LARP1: variants seen among roughly 807,000 people sequenced by gnomAD.
The protein encoded by LARP1 is La ribonucleoprotein 1, translational regulator, also known as la-related protein 1.
Under a neutral mutation model 122.7 loss-of-function variants are expected in LARP1, and 36 were observed. The ratio of observed to expected loss-of-function variants is 0.29; its 90% CI spans 0.22 to 0.39. LARP1 has a LOEUF of 0.39. Ranked by LOEUF, LARP1 falls within the 10% of genes least tolerant of loss-of-function variation. LARP1 has a pLI of 1.00. For missense variants in LARP1, 1,040 were observed against 1,403.6 expected (o/e 0.74, Z 4.14); for synonymous variants, 539 against 528.7 (o/e 1.02, Z -0.27).
chr5:154,698,149 T>C (rs1244555238), intron 1 of LARP1, among the ~76,000 whole-genome samples: 2 of 152,214 alleles, frequency 1.3e-5, no homozygotes, highest in Admixed American at 6.5e-5. Flanking sequence ...ACATAATAAT[T>C]GTACATTTTT....
Position 154,813,761 on chromosome 5 carries a change from T to G in LARP1, c.3082-126T>G. 12 of 792,254 alleles carry G rather than the reference T, an allele frequency of 1.5e-5. 1 individual carries two copies. The South Asian group carries it at 2.0e-4, about 13-fold the overall frequency. The allele number at this position is 792,254 out of a possible 1,614,324, so 49.1% of individuals were successfully genotyped here. ...AACGCTTAATAACTTATAATTTATT[T>G]TTAAGGTTAAACCCATTCATTTTCT... On this transcript the variant is annotated intron_variant, in intron 18 of 18. Coordinates refer to ENST00000518297, the MANE Select transcript of LARP1 (RefSeq NM_033551.3).
At chr5:154,683,313 G>C (rs551523050) in intron 1 of LARP1, among the ~76,000 whole-genome samples, 6 of 152,348 alleles carry the variant, frequency 3.9e-5, no homozygotes, top group Middle Eastern at 6.8e-3. Flanking sequence ...AGATCTGGCC[G>C]GCACCTGATA....
At chr5:154,692,956 G>A (rs963550649) in intron 1 of LARP1, among the ~76,000 whole-genome samples, 5 of 147,924 alleles carry the variant, frequency 3.4e-5, no homozygotes, top group Non-Finnish European at 6.0e-5. Flanking sequence ...CTACAGACAC[G>A]CACCACCATA....
chr5:154,809,848 G>A (rs970830596), intron 16 of LARP1, among the ~76,000 whole-genome samples: 3 of 151,780 alleles, frequency 2.0e-5, no homozygotes, highest in Non-Finnish European at 4.4e-5. Context: ...TGGGACCACA[G>A]GCGCCTGCCA....
chr5:154,761,477 G>C (rs1754441703), intron 1 of LARP1, among the ~76,000 whole-genome samples: 1 of 152,098 alleles, frequency 6.6e-6, no homozygotes, highest in South Asian at 2.1e-4. Flanking sequence ...GGAGGAGGAG[G>C]AGCAGCCGGC....
upstream of LARP1, among the ~76,000 whole-genome samples, chr5:154,708,456 G>C (rs143659573): frequency 4.7e-3 from 716 of 152,292 alleles, 2 homozygotes; most frequent in Non-Finnish European, 7.4e-3. Context: ...ACTCTGGCCA[G>C]TGATCTACCT....
At chr5:154,708,061 C>T (rs1017553963), upstream of LARP1, among the ~76,000 whole-genome samples, 10 of 152,186 alleles carry the variant, frequency 6.6e-5, no homozygotes, top group Admixed American at 3.9e-4. Context: ...AAATGGGTCG[C>T]GGATCCATTC....
intron 6 of LARP1, 24 bp downstream of exon 6, chr5:154,794,024 C>T (rs909631144): frequency 1.1e-5 from 17 of 1,607,984 alleles, no homozygotes; most frequent in East Asian, 2.2e-5. Flanking sequence ...CTTTGGGCTC[C>T]GGGATGTCCA....
Position 154,755,593 on chromosome 5 carries a change from T to C in LARP1, c.-165T>C, listed in dbSNP as rs1251788197. 2.0e-6 allele frequency: 2 copies of C among 986,610 alleles called. No individual in the cohort carries two copies. Among genetic ancestry groups the C allele is most frequent in the East Asian group, 1.2e-4 (1 of 8,646 alleles). 61.1% of individuals were successfully genotyped at this position (986,610 alleles called of 1,614,324 possible). A position where few individuals can be genotyped will look rare whatever the true frequency, so the allele number is the denominator to read the frequency against. On this transcript the variant is annotated 5_prime_UTR_variant, in exon 1 of 19. Transcript: ENST00000518297. ...GGGCCTCGGATTTACGGCGGCTGCA[T>C]CTAACTGGGAGGGGGCCGCACCTCG...
At chr5:154,751,368 C>G (rs1353084023), upstream of LARP1, among the ~76,000 whole-genome samples, 2 of 152,180 alleles carry the variant, frequency 1.3e-5, no homozygotes, top group Non-Finnish European at 2.9e-5. Flanking sequence ...GCCTGTAGTG[C>G]CTGGCACATA....
At chr5:154,797,221 G>GTTTTTTTTTTTTTTTTTTTTTT (rs1158010359) in intron 8 of LARP1, among the ~76,000 whole-genome samples, 1 of 29,778 alleles carries the variant, frequency 3.4e-5, no homozygotes, top group Non-Finnish European at 6.8e-5. Context: ...TGTTGTTGTT[G>GTTTTTTTTTTTTTTTTTTTTTT]TTTTTTTTTT....
chr5:154,747,813 A>T (rs1029401655), intron 1 of LARP1, among the ~76,000 whole-genome samples: 18 of 151,866 alleles, frequency 1.2e-4, no homozygotes, highest in Non-Finnish European at 1.9e-4. Flanking sequence ...GCAGTGAGCC[A>T]AGATTGTGCC....
chr5:154,805,805 G>T, intron 14 of LARP1, 76 bp from the exon 15 acceptor site: 1 of 1,503,758 alleles, frequency 6.7e-7, no homozygotes. Context: ...TGACAGAACG[G>T]ATCAGAGGGA....
upstream of LARP1, among the ~76,000 whole-genome samples, chr5:154,754,887 G>T (rs1422919162): frequency 6.6e-6 from 1 of 152,170 alleles, no homozygotes. Flanking sequence ...CGGCCTCCTA[G>T]AAGTCAGGAA....
chr5:154,785,836 C>G (rs1321631832), intron 1 of LARP1, among the ~76,000 whole-genome samples: 1 of 152,160 alleles, frequency 6.6e-6, no homozygotes, highest in East Asian at 1.9e-4. Flanking sequence ...CCTGCCATTC[C>G]TCAGCACCCA....
chr5:154,705,074 C>G (rs1479538999), intron 1 of LARP1, among the ~76,000 whole-genome samples: 4 of 146,090 alleles, frequency 2.7e-5, no homozygotes, highest in African/African-American at 1.0e-4. Flanking sequence ...GCTGAGATTA[C>G]GCCACTGCAC....
intron 18 of LARP1, among the ~76,000 whole-genome samples, chr5:154,813,590 T>C (rs1024041985): frequency 6.6e-6 from 1 of 152,184 alleles, no homozygotes; most frequent in African/African-American, 2.4e-5. Flanking sequence ...CTTTATCGGT[T>C]ACCAGCTATG....
chr5:154,794,317 G>T, intron 7 of LARP1, 55 bp downstream of exon 7: 3 of 1,576,628 alleles, frequency 1.9e-6, no homozygotes, highest in Non-Finnish European at 2.6e-6. Context: ...GTTAGGGGTT[G>T]CTAGAGTGTC....
chr5:154,751,660 C>G (rs1753497334), upstream of LARP1, among the ~76,000 whole-genome samples: 1 of 152,178 alleles, frequency 6.6e-6, no homozygotes, highest in East Asian at 1.9e-4. Flanking sequence ...GAAAATATTA[C>G]ATACAATAAG....
Sources: gnomAD v4.1 joint callset for allele counts (sites outside exome capture counted in the v4.1 genomes callset) on GRCh38, gnomAD v4.1.1 for gene constraint, MANE v1.5 for transcripts, NCBI Gene and HGNC (gene_info 2026-07-23, HGNC 2026-07-21) for gene names.